BRCC3: variants seen among roughly 807,000 people sequenced by gnomAD.
BRCC3 encodes the protein lys-63-specific deubiquitinase BRCC36.
BRCC3 carries 15 observed loss-of-function variants against 28.0 expected under a neutral mutation model. The ratio of observed to expected loss-of-function variants is 0.54; its 90% CI spans 0.36 to 0.82. The LOEUF (loss-of-function observed/expected upper bound fraction) is 0.82. BRCC3 is among the 40% of genes least tolerant of loss of function. The pLI, the probability that BRCC3 is intolerant of heterozygous loss-of-function variation, is 0.01. For synonymous variants in BRCC3, 66 were observed against 80.3 expected, an observed-to-expected ratio of 0.82 and a Z score of 0.95; for missense variants, 109 against 225.9, an observed-to-expected ratio of 0.48 and a Z score of 3.32.
chrX:155,095,592 T>G (rs2124275998), intron 7 of BRCC3, among the ~76,000 whole-genome samples: 1 of 112,026 alleles, frequency 8.9e-6, no homozygotes, highest in South Asian at 3.7e-4. Context: ...TGAGCCACCG[T>G]GCCCAGCCAA....
chrX:155,102,449 A>G (rs2074252036), intron 7 of BRCC3, among the ~76,000 whole-genome samples: 1 of 112,452 alleles, frequency 8.9e-6, no homozygotes, highest in Non-Finnish European at 1.9e-5. Context: ...CAACCTTGCT[A>G]AATTCAATTA....
At chrX:155,084,666 A>G (rs1450368358) in intron 5 of BRCC3, among the ~76,000 whole-genome samples, 2 of 112,258 alleles carry the variant, frequency 1.8e-5, no homozygotes, top group Admixed American at 9.4e-5. Context: ...CCCAGCCCCA[A>G]AAAGTTTTTT....
At chrX:155,116,908 A>G (rs972712256) in intron 9 of BRCC3, among the ~76,000 whole-genome samples, 154 bp downstream of exon 9, 3 of 112,094 alleles carry the variant, frequency 2.7e-5, no homozygotes, top group African/African-American at 6.5e-5. Flanking sequence ...CCTGAGCCCA[A>G]CATTTCTTGT....
intron 9 of BRCC3, among the ~76,000 whole-genome samples, chrX:155,117,207 C>T (rs944783290): frequency 3.1e-4 from 35 of 111,941 alleles, no homozygotes; most frequent in African/African-American, 1.1e-3. Context: ...TCCAGCATAA[C>T]ACTACCAGCC....
intron 7 of BRCC3, among the ~76,000 whole-genome samples, chrX:155,108,262 A>G (rs901557532): frequency 8.9e-6 from 1 of 112,253 alleles, no homozygotes; most frequent in Admixed American, 9.4e-5. Context: ...CTGTTATGGT[A>G]GTTCTTTTTT....
chrX:155,096,113 G>A (rs1473125432), intron 7 of BRCC3, among the ~76,000 whole-genome samples: 5 of 112,144 alleles, frequency 4.5e-5, no homozygotes, highest in African/African-American at 1.6e-4. Context: ...ATAGAAGCAT[G>A]CTACAATCTG....
chrX:155,099,750 C>G (rs1315799632), intron 7 of BRCC3, among the ~76,000 whole-genome samples: 3 of 111,661 alleles, frequency 2.7e-5, no homozygotes, highest in Non-Finnish European at 5.6e-5. Context: ...TTTAGGTATG[C>G]CTCTTATAAA....
intron 5 of BRCC3, among the ~76,000 whole-genome samples, chrX:155,082,374 G>A (rs782159800): frequency 8.0e-5 from 9 of 112,023 alleles, no homozygotes; most frequent in Non-Finnish European, 1.5e-4. Context: ...GTTGGCCTTC[G>A]GTTGAGGTTG....
At chrX:155,107,649 A>G (rs782289011) in intron 7 of BRCC3, among the ~76,000 whole-genome samples, 2 of 111,869 alleles carry the variant, frequency 1.8e-5, no homozygotes, top group South Asian at 3.7e-4. Flanking sequence ...TGGAAACTTA[A>G]TAAAATCATA....
At chrX:155,105,491 A>G (rs1457817902) in intron 7 of BRCC3, among the ~76,000 whole-genome samples, 3 of 112,018 alleles carry the variant, frequency 2.7e-5, no homozygotes, top group Admixed American at 1.9e-4. Flanking sequence ...ATAATTAAAA[A>G]AAAGCTTATC....
At chrX:155,089,387 G>A (rs1250327551) in intron 6 of BRCC3, 36 bp downstream of exon 6, 1 of 907,700 alleles carries the variant, frequency 1.1e-6, no homozygotes, top group Non-Finnish European at 1.6e-6. Context: ...GTGTGTGTGT[G>A]TGTAGGGTCT....
At chrX:155,092,581 G>A (rs2074181753) in intron 7 of BRCC3, among the ~76,000 whole-genome samples, 1 of 111,183 alleles carries the variant, frequency 9.0e-6, no homozygotes, top group Non-Finnish European at 1.9e-5. Flanking sequence ...GGGGTTTTGA[G>A]TGGCTTTTTC....
At chrX:155,097,287 A>G (rs2074216571) in intron 7 of BRCC3, among the ~76,000 whole-genome samples, 1 of 112,072 alleles carries the variant, frequency 8.9e-6, no homozygotes, top group African/African-American at 3.2e-5. Context: ...ATATATAAAG[A>G]ACTCATATAG....
At chrX:155,093,822 CTT>C (rs1386363750) in intron 7 of BRCC3, among the ~76,000 whole-genome samples, 1 of 109,253 alleles carries the variant, frequency 9.2e-6, no homozygotes, top group Non-Finnish European at 1.9e-5. Context: ...CCTAATGACT[CTT>C]TCTTTTTACT....
chrX:155,085,880 A>G (rs2074122392), intron 5 of BRCC3, among the ~76,000 whole-genome samples: 1 of 111,448 alleles, frequency 9.0e-6, no homozygotes, highest in African/African-American at 3.3e-5. Context: ...TGGTTCCCCC[A>G]GGACTGCTTT....
At chrX:155,080,935 A>T (rs1186292228) in intron 5 of BRCC3, among the ~76,000 whole-genome samples, 3 of 112,342 alleles carry the variant, frequency 2.7e-5, no homozygotes, top group Non-Finnish European at 3.8e-5. Flanking sequence ...TCTCAAGGAC[A>T]TGGAGAGAGT....
intron 7 of BRCC3, among the ~76,000 whole-genome samples, chrX:155,101,145 C>T (rs1480765612): frequency 9.0e-6 from 1 of 111,648 alleles, no homozygotes; most frequent in Non-Finnish European, 1.9e-5. Context: ...GCGATCTGCC[C>T]ATCTCAGCCT....
intron 3 of BRCC3, among the ~76,000 whole-genome samples, chrX:155,076,102 G>A (rs1160953484): frequency 8.9e-6 from 1 of 112,307 alleles, no homozygotes; most frequent in Non-Finnish European, 1.9e-5. Flanking sequence ...GTATTAGTCT[G>A]TTATCACACT....
In BRCC3 at chrX:155,074,736, A is replaced by G. The variant is rs182390046; in HGVS notation, c.195+1305A>G. On this transcript the variant is annotated intron_variant, in intron 3 of 10. Transcript: ENST00000330045. The stretch of plus-strand genomic sequence containing the variant: ...TGTCAGTTTGTACTGTCTAAATTAG[A>G]TATTAAACTTTATTAGTTAAGCTGC... 6.2e-3 allele frequency among the ~76,000 whole-genome samples: 700 copies of G among 112,444 alleles called. 8 individuals carry two copies. Among genetic ancestry groups the G allele is most frequent in the African/African-American group, 0.021 (662 of 31,014 alleles).
Sources: allele counts gnomAD v4.1 joint callset (sites outside exome capture counted in the v4.1 genomes callset), GRCh38; gene constraint gnomAD v4.1.1; transcripts MANE v1.5; gene names NCBI Gene and HGNC (gene_info 2026-07-23, HGNC 2026-07-21).